The following DNAH5 variants were observed in gnomAD, a reference collection of about 807,000 sequenced individuals.
DNAH5 encodes axonemal beta dynein heavy chain 5.
Under a neutral mutation model 518.2 loss-of-function variants are expected in DNAH5, and 372 were observed. The ratio of observed to expected loss-of-function variants is 0.72; its 90% CI spans 0.66 to 0.78. DNAH5 has a LOEUF of 0.78. Among genes scored for constraint, DNAH5 ranks in the 30% least tolerant of loss-of-function variants. The pLI is 0.00. For missense variants in DNAH5, 5,523 were observed against 5,687.0 expected (o/e 0.97, Z 0.93); for synonymous variants, 2,039 against 2,025.9 (o/e 1.01, Z -0.17).
At chr5:13,921,757 C>G (rs571500636) in intron 5 of DNAH5, among the ~76,000 whole-genome samples, 1 of 135,542 alleles carries the variant, frequency 7.4e-6, no homozygotes, top group South Asian at 2.4e-4. Context: ...CACACCCCCC[C>G]ACACACACAC....
At chr5:13,759,797 A>T (rs1220139761) in intron 60 of DNAH5, among the ~76,000 whole-genome samples, 2 of 152,236 alleles carry the variant, frequency 1.3e-5, no homozygotes, top group East Asian at 3.8e-4. Flanking sequence ...TCCCTTTTAA[A>T]TTTATAAAGT....
chr5:13,867,940 A>G lies in DNAH5; in HGVS notation c.3887T>C (p.Ile1296Thr), dbSNP rs975138818. 2.5e-6 allele frequency: 4 copies of G among 1,613,956 alleles called. No individual in the cohort carries two copies. The African/African-American group carries it at 4.0e-5, about 16-fold the overall frequency. ...RYGLLIAREE[I>T]DKVDTLHYAW... ...ATAGTGCAGTGTATCAACTTTGTCT[A>G]TCTCTTCCCTTGCTATCAGAAGTCC... is the stretch of plus-strand genomic sequence containing the variant. The change falls in exon 25 of 79, where the codon ATA becomes ACA. Residue 1296 changes from isoleucine to threonine, a missense_variant. Physicochemically the swap from Ile to Thr is moderately conservative, Grantham distance 89. Around this residue, in one of 3 missense-constraint regions of DNAH5, gnomAD observed 5,121 missense variants for 5,223.3 expected, o/e 0.98. Transcript: ENST00000265104.
intron 42 of DNAH5, among the ~76,000 whole-genome samples, chr5:13,815,500 A>G (rs1337100635): frequency 1.3e-5 from 2 of 152,248 alleles, no homozygotes; most frequent in Non-Finnish European, 2.9e-5. Flanking sequence ...GCAAGAAATC[A>G]GCAGACTGCA....
At chr5:13,953,731 G>C (rs973895417) in intron 1 of DNAH5, among the ~76,000 whole-genome samples, 1 of 152,086 alleles carries the variant, frequency 6.6e-6, no homozygotes, top group African/African-American at 2.4e-5. Flanking sequence ...GTTTTGAGAT[G>C]GGGTCTTGCT....
At chr5:13,903,661 A>C (rs1774947802) in intron 12 of DNAH5, among the ~76,000 whole-genome samples, 2 of 152,106 alleles carry the variant, frequency 1.3e-5, no homozygotes. Context: ...TTTGATAGCA[A>C]ATACCTCGTG....
intron 69 of DNAH5, 100 bp downstream of exon 69, chr5:13,729,339 A>G (rs985840172): frequency 1.7e-5 from 25 of 1,495,572 alleles, no homozygotes; most frequent in Admixed American, 6.7e-5. Context: ...AAGAGTGACA[A>G]TATTAAGAAC....
intron 43 of DNAH5, among the ~76,000 whole-genome samples, chr5:13,812,954 C>T (rs901809645): frequency 5.3e-5 from 8 of 152,172 alleles, no homozygotes; most frequent in Non-Finnish European, 1.0e-4. Flanking sequence ...TCGACAAAAA[C>T]ATAACATAGC....
At chr5:13,951,886 T>G (rs1780443263) in intron 1 of DNAH5, among the ~76,000 whole-genome samples, 1 of 152,250 alleles carries the variant, frequency 6.6e-6, no homozygotes, top group Non-Finnish European at 1.5e-5. Context: ...AAAATTCTCC[T>G]TTAACCCTGC....
At chr5:13,996,107 C>T (rs189332623) in intron 1 of DNAH5, among the ~76,000 whole-genome samples, 209 of 152,304 alleles carry the variant, frequency 1.4e-3, no homozygotes, top group Admixed American at 4.6e-3. Flanking sequence ...CCACTCTGGG[C>T]ACCTCTGATG....
intron 2 of DNAH5, among the ~76,000 whole-genome samples, chr5:13,930,437 C>T (rs1309051865): frequency 7.2e-5 from 11 of 152,158 alleles, no homozygotes; most frequent in Admixed American, 4.6e-4. Context: ...GAATTCCCAA[C>T]GGTGTGGCAC....
At chr5:13,908,751 C>A (rs992806584) in intron 12 of DNAH5, among the ~76,000 whole-genome samples, 1 of 152,172 alleles carries the variant, frequency 6.6e-6, no homozygotes, top group African/African-American at 2.4e-5. Context: ...TTAGTACCAG[C>A]ACGAACCCTA....
chr5:13,811,242 C>T (rs1269427012), intron 44 of DNAH5, among the ~76,000 whole-genome samples: 1 of 152,000 alleles, frequency 6.6e-6, no homozygotes, highest in Non-Finnish European at 1.5e-5. Flanking sequence ...TGATAGATAC[C>T]CCATTCACCT....
intron 63 of DNAH5, 131 bp downstream of exon 63, chr5:13,753,102 T>C (rs1228273122): frequency 1.5e-6 from 1 of 672,434 alleles, no homozygotes; most frequent in African/African-American, 1.8e-5. Flanking sequence ...TAAGCTTGCA[T>C]CTGCTACTGC....
At chr5:13,752,004 A>T in intron 64 of DNAH5, 130 bp downstream of exon 64, 1 of 949,360 alleles carries the variant, frequency 1.1e-6, no homozygotes, top group South Asian at 1.4e-5. Context: ...AGAAGTGTAG[A>T]AGAGAAAAAC....
At chr5:13,800,146 T>C (rs1361784752) in intron 47 of DNAH5, among the ~76,000 whole-genome samples, 1 of 152,188 alleles carries the variant, frequency 6.6e-6, no homozygotes, top group Non-Finnish European at 1.5e-5. Context: ...GACTACAACC[T>C]GTCACTTGAG....
rs77093260 is a variant in DNAH5 at position 13,973,637 on chromosome 5, G to A, written c.12+38011C>T. Among the ~76,000 whole-genome samples, 425 of 151,544 alleles carry A rather than the reference G, an allele frequency of 2.8e-3. 4 individuals are homozygous for A. The highest frequency in any genetic ancestry group is 9.7e-3 in the African/African-American group (400 of 41,214). Reference sequence around the variant, plus strand: ...CTTCTTTTAGAAAACCCTTGGCACAGAGCAGTGAGATGTGGATATATATAG... The same window carrying A: ...CTTCTTTTAGAAAACCCTTGGCACAAAGCAGTGAGATGTGGATATATATAG... On this transcript the variant is annotated intron_variant, in intron 1 of 78. Coordinates refer to the DNAH5 transcript ENST00000681290.
intron 22 of DNAH5, among the ~76,000 whole-genome samples, chr5:13,873,770 A>C (rs1312585083): frequency 6.6e-6 from 1 of 152,106 alleles, no homozygotes; most frequent in African/African-American, 2.4e-5. Context: ...TAAAGTGCTG[A>C]GATTACAAAC....
At chr5:13,735,370 T>C (rs767861150) in intron 67 of DNAH5, 49 bp from the exon 68 acceptor site, 2 of 1,559,958 alleles carry the variant, frequency 1.3e-6, no homozygotes, top group Non-Finnish European at 8.8e-7. Context: ...CCCTTTTCAA[T>C]TGTCTGTAAA....
At chr5:13,947,074 TA>T (rs1779986676), upstream of DNAH5, among the ~76,000 whole-genome samples, 1 of 152,188 alleles carries the variant, frequency 6.6e-6, no homozygotes, top group Non-Finnish European at 1.5e-5. Flanking sequence ...TCATAATCAA[TA>T]AAAAATGGTT....
Sources: allele counts gnomAD v4.1 joint callset (sites outside exome capture counted in the v4.1 genomes callset), GRCh38; gene constraint gnomAD v4.1.1; regional missense constraint gnomAD v4.1.1; transcripts MANE v1.5; gene names NCBI Gene and HGNC (gene_info 2026-07-23, HGNC 2026-07-21).